Variants in PP2D1 observed in about 807,000 individuals in gnomAD.
PP2D1 encodes the protein protein phosphatase 2C like domain containing 1.
A neutral mutation model predicts 30.2 loss-of-function variants in PP2D1; 25 were observed. The ratio of observed to expected loss-of-function variants is 0.83; its 90% CI spans 0.60 to 1.16. The LOEUF (loss-of-function observed/expected upper bound fraction) is 1.16. Ranked by LOEUF, PP2D1 falls within the 50% of genes most tolerant of loss-of-function variation. The pLI, the probability that PP2D1 is intolerant of heterozygous loss-of-function variation, is 0.00. For synonymous variants in PP2D1, 260 were observed against 258.9 expected, an observed-to-expected ratio of 1.00 and a Z score of -0.04; for missense variants, 760 against 742.4, an observed-to-expected ratio of 1.02 and a Z score of -0.28.
chr3:19,992,486 A>G (rs751588060), intron 2 of PP2D1, among the ~76,000 whole-genome samples: 6 of 152,352 alleles, frequency 3.9e-5, no homozygotes, highest in Non-Finnish European at 8.8e-5. Context: ...GGATGGGGAT[A>G]ATTTTAAAAG....
intron 2 of PP2D1, among the ~76,000 whole-genome samples, chr3:19,992,458 T>C (rs1697129870): frequency 6.6e-6 from 1 of 152,176 alleles, no homozygotes; most frequent in South Asian, 2.1e-4. Flanking sequence ...TGAATTAGAC[T>C]TTAGGGGAAA....
downstream of PP2D1, among the ~76,000 whole-genome samples, chr3:19,982,839 G>A (rs564020194): frequency 6.6e-6 from 1 of 152,176 alleles, no homozygotes; most frequent in South Asian, 2.1e-4. Flanking sequence ...GGAAATAGTA[G>A]ATATGATCTA....
At chr3:19,994,502 ATT>A (rs1697154110) in intron 2 of PP2D1, among the ~76,000 whole-genome samples, 1 of 152,208 alleles carries the variant, frequency 6.6e-6, no homozygotes, top group African/African-American at 2.4e-5. Flanking sequence ...ACCTTCATGT[ATT>A]TGTAGTCTGA....
intron 2 of PP2D1, among the ~76,000 whole-genome samples, chr3:19,986,844 G>C (rs1352205203): frequency 1.3e-5 from 2 of 152,098 alleles, no homozygotes. Context: ...AGACCAGCCT[G>C]ACCAACATGG....
chr3:19,997,589 A>G (rs1242532693), intron 2 of PP2D1, among the ~76,000 whole-genome samples: 1 of 152,224 alleles, frequency 6.6e-6, no homozygotes, highest in African/African-American at 2.4e-5. Flanking sequence ...ACTATTCACA[A>G]TAGTAAAGAT....
chr3:19,994,556 C>T (rs1396699931), intron 2 of PP2D1, among the ~76,000 whole-genome samples: 2 of 152,214 alleles, frequency 1.3e-5, no homozygotes, highest in East Asian at 3.8e-4. Flanking sequence ...ATAGTGTCAA[C>T]AGGCAGACAC....
rs1361935593 is a variant in PP2D1, at chr3:19,985,476, A to T, written c.1797T>A (p.His599Gln). Reference sequence around the variant, plus strand: ...CCAGTAAAGCAGCATTTACAAGTTCATGGCTAACATACTCAGCTGCGCCTT... The same window carrying T: ...CCAGTAAAGCAGCATTTACAAGTTCTTGGCTAACATACTCAGCTGCGCCTT... ...FYEGAAEYVS[H>Q]ELVNAALLAG... Residue 599 changes from histidine (H) to glutamine (Q), a missense_variant, in exon 3 of 3, where the codon CAT (histidine) becomes CAA (glutamine). Transcript: ENST00000389050. 1 of 1,536,102 alleles carries T rather than the reference A, an allele frequency of 6.5e-7. No individual in the cohort carries two copies. Among genetic ancestry groups the T allele is most frequent in the Non-Finnish European group, 8.7e-7 (1 of 1,146,854 alleles).
downstream of PP2D1, among the ~76,000 whole-genome samples, chr3:19,980,445 A>ATT (rs11441052): frequency 3.4e-4 from 50 of 148,170 alleles, no homozygotes; most frequent in Middle Eastern, 3.6e-3. Context: ...AGGTTAGTAA[A>ATT]TTTTTTTTTC....
intron 1 of PP2D1, among the ~76,000 whole-genome samples, chr3:20,009,947 A>C (rs1388393634): frequency 2.0e-5 from 3 of 152,144 alleles, no homozygotes; most frequent in Non-Finnish European, 2.9e-5. Flanking sequence ...GCTTTCCCTC[A>C]CCAACGATTT....
Position 19,985,714 on chromosome 3 carries a change from A to G in PP2D1, c.1559T>C (p.Val520Ala). The part of the protein sequence containing the change: ...NIHVLFQYKS[V>A]SEVRVSTTNS... Reference sequence around the variant, plus strand: ...TGTAGTTGACACACGTACTTCAGATACAGATTTATACTGAAACAATACGTG... The same window carrying G: ...TGTAGTTGACACACGTACTTCAGATGCAGATTTATACTGAAACAATACGTG... Residue 520 changes from valine (V) to alanine (A), a missense_variant, in exon 3 of 3, where the codon GTA becomes GCA. Val to Ala is a moderately conservative substitution (Grantham distance 64). Transcript: ENST00000389050. The G allele has an allele frequency of 1.3e-6, 2 of 1,535,742 alleles. No individual in the cohort carries two copies. Among genetic ancestry groups the G allele is most frequent in the East Asian group, 2.4e-5 (1 of 40,898 alleles).
At chr3:20,007,151 C>T (rs925779520) in intron 1 of PP2D1, among the ~76,000 whole-genome samples, 1 of 152,010 alleles carries the variant, frequency 6.6e-6, no homozygotes, top group Non-Finnish European at 1.5e-5. Flanking sequence ...GGATTACAGG[C>T]GTAAGCCACC....
At chr3:20,000,884 T>C (rs1697241647) in intron 2 of PP2D1, 146 bp downstream of exon 2, 2 of 414,824 alleles carry the variant, frequency 4.8e-6, no homozygotes, top group Non-Finnish European at 8.3e-6. Context: ...ATTGTGGTTA[T>C]TTGTTGTTTC....
chr3:19,982,777 A>AG (rs1287401663), downstream of PP2D1, among the ~76,000 whole-genome samples: 117 of 151,578 alleles, frequency 7.7e-4, no homozygotes, highest in African/African-American at 2.6e-3. Context: ...AAAAAAAAAA[A>AG]AGAGAGCATG....
chr3:19,999,211 C>T (rs150372031), intron 2 of PP2D1, among the ~76,000 whole-genome samples: 6 of 150,318 alleles, frequency 4.0e-5, no homozygotes, highest in African/African-American at 1.2e-4. Context: ...TCCTGAGTAG[C>T]TGGGATTACA....
downstream of PP2D1, among the ~76,000 whole-genome samples, chr3:19,982,236 TC>T (rs1197357931): frequency 6.6e-6 from 1 of 152,148 alleles, no homozygotes; most frequent in Non-Finnish European, 1.5e-5. Context: ...AGACCTTGTC[TC>T]CAAAATGAAA....
intron 1 of PP2D1, among the ~76,000 whole-genome samples, chr3:20,011,485 A>G (rs973879984): frequency 2.0e-5 from 3 of 152,064 alleles, no homozygotes; most frequent in African/African-American, 4.8e-5. Flanking sequence ...CATCATTCAT[A>G]TGTTCATTCA....
intron 1 of PP2D1, among the ~76,000 whole-genome samples, chr3:20,008,567 CA>C (rs1697350462): frequency 6.6e-6 from 1 of 152,030 alleles, no homozygotes. Flanking sequence ...AACTCTGTCT[CA>C]AAACAAACAA....
intron 2 of PP2D1, among the ~76,000 whole-genome samples, chr3:19,991,069 T>A (rs1575084067): frequency 6.6e-6 from 1 of 152,334 alleles, no homozygotes; most frequent in East Asian, 1.9e-4. Flanking sequence ...TTTCAGTATT[T>A]GGAGAGATTG....
chr3:19,991,182 G>A (rs1027361052), intron 2 of PP2D1, among the ~76,000 whole-genome samples: 2 of 152,210 alleles, frequency 1.3e-5, no homozygotes, highest in African/African-American at 4.8e-5. Context: ...GCCGCTTGGA[G>A]ATGATGCTCA....
Sources: allele counts gnomAD v4.1 joint callset (sites outside exome capture counted in the v4.1 genomes callset), GRCh38; gene constraint gnomAD v4.1.1; transcripts MANE v1.5; gene names NCBI Gene and HGNC (gene_info 2026-07-23, HGNC 2026-07-21).